Variants in RNF152 observed in about 807,000 individuals in gnomAD.
RNF152 encodes E3 ubiquitin-protein ligase RNF152.
Under a neutral mutation model 12.7 loss-of-function variants are expected in RNF152, and 11 were observed. The ratio of observed to expected loss-of-function variants is 0.86; its 90% CI spans 0.54 to 1.43. The LOEUF is 1.43. Among genes scored for constraint, RNF152 ranks in the 40% most tolerant of loss-of-function variants. The pLI is 0.00. For missense variants in RNF152, 255 were observed against 274.8 expected (o/e 0.93, Z 0.51); for synonymous variants, 113 against 120.3 (o/e 0.94, Z 0.40).
intron 1 of RNF152, among the ~76,000 whole-genome samples, chr18:61,876,524 G>T (rs148998448): frequency 5.0e-4 from 76 of 152,336 alleles, no homozygotes; most frequent in Non-Finnish European, 8.7e-4. Context: ...TCGAAGTCAT[G>T]AAAATACAGG....
intron 1 of RNF152, among the ~76,000 whole-genome samples, chr18:61,862,355 A>T (rs2144718839): frequency 6.6e-6 from 1 of 152,354 alleles, no homozygotes; most frequent in Non-Finnish European, 1.5e-5. Flanking sequence ...CAGTTGGATC[A>T]GGGACTGCCC....
At position 61,846,570 on chromosome 18, in the gene RNF152, C is replaced by T. The variant is rs1024248254; in HGVS notation, c.-135-29972G>A. On this transcript the variant is annotated intron_variant, in intron 1 of 1. Coordinates refer to ENST00000312828, the MANE Select transcript of RNF152 (RefSeq NM_173557.3). ...ACATTCGTTGAGCACTTACTCCTTC[C>T]TTTCCCCGCAACACTCTTCTCCTGA... Among the ~76,000 whole-genome samples, 7 of 152,258 alleles carry T rather than the reference C, an allele frequency of 4.6e-5. No homozygotes were observed. In the South Asian group the frequency reaches 1.4e-3, roughly 32 times the overall value.
chr18:61,825,343 G>A (rs1210557945), intron 1 of RNF152, among the ~76,000 whole-genome samples: 1 of 152,100 alleles, frequency 6.6e-6, no homozygotes, highest in African/African-American at 2.4e-5. Context: ...ATATATATAG[G>A]GATTAAACAG....
At chr18:61,823,197 A>G (rs1359211337) in intron 1 of RNF152, among the ~76,000 whole-genome samples, 1 of 152,236 alleles carries the variant, frequency 6.6e-6, no homozygotes, top group Non-Finnish European at 1.5e-5. Context: ...TGAGAATTCC[A>G]TTGGCTCGAG....
intron 1 of RNF152, among the ~76,000 whole-genome samples, chr18:61,854,344 TG>T (rs1296053451): frequency 6.6e-6 from 1 of 151,948 alleles, no homozygotes; most frequent in Non-Finnish European, 1.5e-5. Context: ...AGAAAGTATA[TG>T]GGGGAAAAAA....
intron 1 of RNF152, among the ~76,000 whole-genome samples, chr18:61,842,003 T>A (rs749529705): frequency 6.6e-6 from 1 of 152,166 alleles, no homozygotes; most frequent in Non-Finnish European, 1.5e-5. Flanking sequence ...AAACATGAGG[T>A]GGGTTGCATT....
At chr18:61,844,188 A>AG (rs2144679669) in intron 1 of RNF152, among the ~76,000 whole-genome samples, 1 of 56,828 alleles carries the variant, frequency 1.8e-5, no homozygotes, top group African/African-American at 4.7e-5. Flanking sequence ...AGAGGAAGGA[A>AG]GGAAGGGAAG....
chr18:61,829,266 C>G (rs1245837282), intron 1 of RNF152, among the ~76,000 whole-genome samples: 1 of 151,992 alleles, frequency 6.6e-6, no homozygotes, highest in African/African-American at 2.4e-5. Context: ...ACTGGCCTGC[C>G]CAGTGGTGTG....
rs550053520 is a variant in RNF152, at chr18:61,811,338, T to C, written c.*4514A>G. 2 of 152,332 alleles carry C rather than the reference T, an allele frequency of 1.3e-5. No individual in the cohort carries two copies. Among genetic ancestry groups the C allele is most frequent in the African/African-American group, 4.8e-5 (2 of 41,576 alleles). The allele number at this position is 152,332 out of a possible 1,614,324, so 9.4% of individuals were successfully genotyped here. On this transcript the variant is annotated 3_prime_UTR_variant, in exon 2 of 2. Transcript: ENST00000312828. ...GAAATATATCTCAAACTGAATTTTC[T>C]GCTTCCTTTTATTTAGCTAAAAAGT... is the stretch of plus-strand genomic sequence containing the variant.
chr18:61,864,416 T>G (rs964841675), intron 1 of RNF152, among the ~76,000 whole-genome samples: 1 of 152,160 alleles, frequency 6.6e-6, no homozygotes, highest in East Asian at 1.9e-4. Flanking sequence ...ATCAGCCAAA[T>G]GGAAGAAATA....
At chr18:61,863,816 A>G (rs1911605550) in intron 1 of RNF152, among the ~76,000 whole-genome samples, 1 of 152,212 alleles carries the variant, frequency 6.6e-6, no homozygotes, top group Non-Finnish European at 1.5e-5. Context: ...GACAAGAGTA[A>G]GGAAGTCAGA....
intron 1 of RNF152, among the ~76,000 whole-genome samples, chr18:61,841,583 G>C (rs887888423): frequency 3.3e-5 from 5 of 152,124 alleles, no homozygotes; most frequent in Non-Finnish European, 5.9e-5. Context: ...CTTAACTTTG[G>C]GGGGTTACAA....
At chr18:61,863,536 G>T (rs1009078364) in intron 1 of RNF152, among the ~76,000 whole-genome samples, 2 of 151,892 alleles carry the variant, frequency 1.3e-5, no homozygotes, top group African/African-American at 2.4e-5. Context: ...CTTTTTACAT[G>T]GAAATAGTTA....
intron 1 of RNF152, among the ~76,000 whole-genome samples, chr18:61,831,384 A>T (rs1312629732): frequency 6.6e-6 from 1 of 152,180 alleles, no homozygotes; most frequent in Admixed American, 6.5e-5. Flanking sequence ...CTCTAAGTGG[A>T]CACATTTTAC....
intron 1 of RNF152, among the ~76,000 whole-genome samples, chr18:61,858,986 G>C (rs75744069): frequency 2.6e-5 from 4 of 151,724 alleles, no homozygotes; most frequent in African/African-American, 4.9e-5. Context: ...TTACGCGCCG[G>C]GTGATGTCAA....
chr18:61,849,608 C>T (rs1910882735), intron 1 of RNF152, among the ~76,000 whole-genome samples: 1 of 152,214 alleles, frequency 6.6e-6, no homozygotes, highest in African/African-American at 2.4e-5. Flanking sequence ...ATGGAAAGTT[C>T]TTAAAACTAT....
chr18:61,840,662 C>T (rs1910410561), intron 1 of RNF152, among the ~76,000 whole-genome samples: 1 of 152,106 alleles, frequency 6.6e-6, no homozygotes, highest in Non-Finnish European at 1.5e-5. Context: ...CTCCCAGAAC[C>T]CAGCTTCTAG....
intron 1 of RNF152, among the ~76,000 whole-genome samples, chr18:61,850,960 C>T (rs558241198): frequency 1.6e-4 from 24 of 152,224 alleles, no homozygotes; most frequent in African/African-American, 5.8e-4. Flanking sequence ...TGCTTTCATA[C>T]ATGATTGGCT....
intron 1 of RNF152, among the ~76,000 whole-genome samples, chr18:61,880,959 G>C (rs1196774306): frequency 3.4e-5 from 5 of 147,972 alleles, no homozygotes; most frequent in Admixed American, 6.8e-5. Context: ...TGTTACCCAG[G>C]CTGGAGTGCA....
Sources: gnomAD v4.1 joint callset for allele counts (sites outside exome capture counted in the v4.1 genomes callset) on GRCh38, gnomAD v4.1.1 for gene constraint, MANE v1.5 for transcripts, NCBI Gene and HGNC (gene_info 2026-07-23, HGNC 2026-07-21) for gene names.